RC3H1: variants seen among roughly 807,000 people sequenced by gnomAD.
RC3H1 encodes the protein roquin-1.
A neutral mutation model predicts 138.2 loss-of-function variants in RC3H1; 50 were observed. The observed-to-expected ratio is 0.36, with a 90% confidence interval of 0.29 to 0.46. RC3H1 has a LOEUF of 0.46. RC3H1 is among the 20% of genes least tolerant of loss of function. The probability of loss-of-function intolerance (pLI) is 1.00; values close to 1 mark genes in which losing one functional copy is unlikely to be tolerated. For missense variants in RC3H1, 1,031 were observed against 1,388.1 expected (o/e 0.74, Z 4.09); for synonymous variants, 462 against 489.1 (o/e 0.94, Z 0.73).
At chr1:173,984,470 C>T (rs1660942871) in intron 3 of RC3H1, 29 bp downstream of exon 3, 1 of 1,606,058 alleles carries the variant, frequency 6.2e-7, no homozygotes, top group Non-Finnish European at 8.5e-7. Flanking sequence ...CAGTTTTACT[C>T]TTTAAATAAG....
At chr1:174,000,526 A>G (rs1661544734) in intron 1 of RC3H1, among the ~76,000 whole-genome samples, 1 of 152,230 alleles carries the variant, frequency 6.6e-6, no homozygotes, top group African/African-American at 2.4e-5. Context: ...ACCAGGTCTT[A>G]CATATCTGAA....
In RC3H1 at chr1:174,021,110, C is replaced by T. The variant is rs145991484; in HGVS notation, c.-151+986G>A. On this transcript the variant is annotated intron_variant, in intron 1 of 19. Coordinates refer to ENST00000367696, the MANE Select transcript of RC3H1 (RefSeq NM_172071.4). ...GAAACACGAGACAAGGCACAAGAAG[C>T]TCTATGGCCGGAGATGAACCACCTG... Among the ~76,000 whole-genome samples the T allele has an allele frequency of 6.6e-4, 100 of 152,326 alleles. 1 individual carries two copies. Among genetic ancestry groups the T allele is most frequent in the Middle Eastern group, 3.4e-3 (1 of 294 alleles).
intron 1 of RC3H1, among the ~76,000 whole-genome samples, chr1:174,012,439 T>C (rs1661785840): frequency 6.6e-6 from 1 of 152,056 alleles, no homozygotes; most frequent in Admixed American, 6.6e-5. Context: ...CAGTCTCCAA[T>C]ACCCTCTTCA....
intron 11 of RC3H1, 109 bp downstream of exon 11, chr1:173,963,864 A>T: frequency 2.5e-6 from 2 of 811,260 alleles, no homozygotes; most frequent in Non-Finnish European, 2.0e-6. Flanking sequence ...AAATGCATTT[A>T]TACATTTACT....
At chr1:173,941,612 T>A (rs1325436049) in intron 18 of RC3H1, among the ~76,000 whole-genome samples, 4 of 152,126 alleles carry the variant, frequency 2.6e-5, no homozygotes, top group South Asian at 4.1e-4. Context: ...CAAGCTAACA[T>A]GAAAAAAAAT....
intron 9 of RC3H1, among the ~76,000 whole-genome samples, chr1:173,966,931 T>C (rs145475914): frequency 3.3e-5 from 5 of 152,290 alleles, no homozygotes; most frequent in African/African-American, 1.2e-4. Context: ...TTTGCAGCAG[T>C]TGAGTCATAT....
At chr1:174,010,255 C>T (rs1023891986) in intron 1 of RC3H1, among the ~76,000 whole-genome samples, 1 of 152,066 alleles carries the variant, frequency 6.6e-6, no homozygotes, top group Non-Finnish European at 1.5e-5. Context: ...CTTTTCATCT[C>T]CACTTTCTTG....
intron 19 of RC3H1, among the ~76,000 whole-genome samples, chr1:173,940,169 C>T (rs1035115390): frequency 6.6e-6 from 1 of 152,028 alleles, no homozygotes; most frequent in Non-Finnish European, 1.5e-5. Context: ...AATGCCCACA[C>T]ACTTTAAAAA....
At chr1:173,957,820 C>T (rs1659712186) in intron 13 of RC3H1, among the ~76,000 whole-genome samples, 1 of 152,146 alleles carries the variant, frequency 6.6e-6, no homozygotes, top group Non-Finnish European at 1.5e-5. Flanking sequence ...CCTCAGCCTC[C>T]CAAAGTGTGG....
intron 9 of RC3H1, chr1:173,969,431 T>C (rs1660256918): frequency 6.6e-6 from 1 of 151,864 alleles, no homozygotes. Context: ...TGTTATGCCC[T>C]TAGACATGGC....
chr1:173,995,094 C>G (rs1333236748), intron 1 of RC3H1, among the ~76,000 whole-genome samples: 1 of 151,994 alleles, frequency 6.6e-6, no homozygotes, highest in Non-Finnish European at 1.5e-5. Context: ...TAGGGTGGAG[C>G]TGATGTACAG....
At position 173,933,135 on chromosome 1, in the gene RC3H1, G is replaced by A. The variant is rs1229066583; in HGVS notation, c.*5586C>T. On this transcript the variant is annotated 3_prime_UTR_variant, in exon 20 of 20. Transcript: ENST00000367696. ...TACACATTTTTGGACACGATATTAT[G>A]TTGAGGTTTAAGTTCTTCCCCCTTA... 1 of 152,072 alleles carries A rather than the reference G, an allele frequency of 6.6e-6. No individual in the cohort carries two copies. The highest frequency in any genetic ancestry group is 2.4e-5 in the African/African-American group (1 of 41,434). 9.4% of individuals were successfully genotyped at this position (152,072 alleles called of 1,614,324 possible). A position where few individuals can be genotyped will look rare whatever the true frequency, so the allele number is the denominator to read the frequency against.
At chr1:174,003,751 C>T (rs934003077) in intron 1 of RC3H1, among the ~76,000 whole-genome samples, 15 of 151,584 alleles carry the variant, frequency 9.9e-5, no homozygotes, top group Non-Finnish European at 8.8e-5. Context: ...AGCTCCACCT[C>T]GCGGGTTTCA....
chr1:173,992,446 C>A (rs750545701), intron 2 of RC3H1, among the ~76,000 whole-genome samples: 1 of 152,120 alleles, frequency 6.6e-6, no homozygotes, highest in Non-Finnish European at 1.5e-5. Context: ...CCACACCCGG[C>A]CTTAGGTTTC....
chr1:173,993,276 A>G, intron 1 of RC3H1, 141 bp from the exon 2 acceptor site: 3 of 367,938 alleles, frequency 8.2e-6, no homozygotes, highest in Non-Finnish European at 1.5e-5. Flanking sequence ...ACACTTTTAC[A>G]GAATTAGAGC....
intron 2 of RC3H1, among the ~76,000 whole-genome samples, chr1:173,991,140 G>A (rs1306330233): frequency 2.0e-5 from 3 of 152,166 alleles, no homozygotes; most frequent in Non-Finnish European, 4.4e-5. Flanking sequence ...TAAGGCATGA[G>A]AATCACTTGA....
rs781772765 is a variant in RC3H1, at chr1:173,965,066, CAA to C, written c.1387_1388del (p.Leu463GlyfsTer4). 1 of 1,614,128 alleles carries C rather than the reference CAA, an allele frequency of 6.2e-7. No homozygotes were observed. The highest frequency in any genetic ancestry group is 8.5e-7 in the Non-Finnish European group (1 of 1,180,004). ...LVPRRPLSAS[L>X]GQLNEVGLPS... ...GCAGGCCCACCTCATTAAGTTGACC[CAA>C]AGAGGCACTCAAGGGTCTTCTCGGA... On this transcript the variant is annotated frameshift_variant, in exon 10 of 20. Transcript: ENST00000367696. LOFTEE classifies it high-confidence loss of function.
At chr1:173,943,107 T>C (rs1257360624) in intron 18 of RC3H1, among the ~76,000 whole-genome samples, 1 of 152,206 alleles carries the variant, frequency 6.6e-6, no homozygotes, top group Non-Finnish European at 1.5e-5. Context: ...CATGTTGTCA[T>C]TGCAAAATAG....
At chr1:174,019,479 C>T (rs1454710993) in intron 1 of RC3H1, among the ~76,000 whole-genome samples, 1 of 152,102 alleles carries the variant, frequency 6.6e-6, no homozygotes, top group Non-Finnish European at 1.5e-5. Context: ...GCTTCACATT[C>T]TTCATATGAA....
Sources: allele counts gnomAD v4.1 joint callset (sites outside exome capture counted in the v4.1 genomes callset), GRCh38; gene constraint gnomAD v4.1.1; transcripts MANE v1.5; gene names NCBI Gene and HGNC (gene_info 2026-07-23, HGNC 2026-07-21).